Variants in MCF2L observed in about 807,000 individuals in gnomAD.
The protein encoded by MCF2L is guanine nucleotide exchange factor DBS.
In MCF2L, 97 loss-of-function variants were observed where a neutral mutation model predicts 153.4. That is an observed-to-expected ratio of 0.63 (90% CI 0.54 to 0.75). The LOEUF (loss-of-function observed/expected upper bound fraction) is 0.75, where lower values mean the gene tolerates loss of function less well. Among genes scored for constraint, MCF2L ranks in the 30% least tolerant of loss-of-function variants. The pLI is 0.00. For synonymous variants in MCF2L, 659 were observed against 632.2 expected, an observed-to-expected ratio of 1.04 and a Z score of -0.64; for missense variants, 1,347 against 1,495.2, an observed-to-expected ratio of 0.90 and a Z score of 1.64.
Position 113,032,941 on chromosome 13 carries a change from C to T in MCF2L, c.278+8183C>T, listed in dbSNP as rs554523424. ...TGGTGTGCTCACTTGGGCTGGCCCC[C>T]GTGACGTGAGTGGACCCCGTGATGT... is the stretch of plus-strand genomic sequence containing the variant. On this transcript the variant is annotated intron_variant, in intron 3 of 29. Coordinates refer to ENST00000535094, the MANE Select transcript of MCF2L (RefSeq NM_001112732.3). Among the ~76,000 whole-genome samples, 4 of 152,172 alleles carry T rather than the reference C, an allele frequency of 2.6e-5. No homozygotes were observed. In the South Asian group the frequency reaches 8.3e-4, roughly 32 times the overall value.
At chr13:112,915,862 T>C (rs1178275469) in intron 2 of MCF2L, among the ~76,000 whole-genome samples, 1 of 152,002 alleles carries the variant, frequency 6.6e-6, no homozygotes, top group African/African-American at 2.4e-5. Context: ...CAGGCTGAGA[T>C]GGGTACTTTG....
intron 8 of MCF2L, among the ~76,000 whole-genome samples, chr13:113,067,365 G>A (rs1244814893): frequency 5.3e-5 from 4 of 75,498 alleles, no homozygotes; most frequent in Non-Finnish European, 1.1e-4. Flanking sequence ...GCAGTGAGCC[G>A]AGATTGCACC....
At chr13:112,985,187 G>C in intron 1 of MCF2L, 1 of 347,362 alleles carries the variant, frequency 2.9e-6, no homozygotes, top group South Asian at 2.1e-5. Context: ...TCAGGGCGGA[G>C]CAGGAATCGG....
At chr13:112,927,452 C>G (rs774719499) in intron 2 of MCF2L, among the ~76,000 whole-genome samples, 1 of 152,130 alleles carries the variant, frequency 6.6e-6, no homozygotes, top group African/African-American at 2.4e-5. Flanking sequence ...CTGAGAAGAT[C>G]TGGAGGTCTT....
At chr13:112,986,995 TCGGA>T (rs924131072) in intron 1 of MCF2L, among the ~76,000 whole-genome samples, 5 of 151,954 alleles carry the variant, frequency 3.3e-5, no homozygotes, top group African/African-American at 1.2e-4. Flanking sequence ...CAGGTGGGAC[TCGGA>T]GCCAGTGTCG....
rs548742743 is a variant in MCF2L at position 112,970,599 on chromosome 13, C to T, written c.79+1141C>T. On this transcript the variant is annotated intron_variant, in intron 1 of 29. Coordinates refer to ENST00000535094, the MANE Select transcript of MCF2L (RefSeq NM_001112732.3). ...AGTATGGTGAAGGGCTGCGTGGATG[C>T]CAGGTTCACAGGGAGGCTTCCGATC... Among the ~76,000 whole-genome samples the T allele has an allele frequency of 2.6e-5, 4 of 152,106 alleles. No individual in the cohort carries two copies. In the South Asian group the frequency reaches 8.3e-4, roughly 32 times the overall value.
At chr13:113,061,751 C>CCT in intron 5 of MCF2L, among the ~76,000 whole-genome samples, 1 of 85,446 alleles carries the variant, frequency 1.2e-5, no homozygotes, top group East Asian at 4.9e-4. Flanking sequence ...TCCCTTTCCC[C>CCT]TCCCTTCCCT....
intron 2 of MCF2L, among the ~76,000 whole-genome samples, chr13:112,955,762 G>A (rs890162982): frequency 5.3e-5 from 8 of 152,148 alleles, no homozygotes; most frequent in Admixed American, 2.0e-4. Context: ...AGCTAAGACC[G>A]AGGGCTTGTC....
intron 27 of MCF2L, chr13:113,095,577 C>G: frequency 1.0e-6 from 1 of 998,010 alleles, no homozygotes; most frequent in Admixed American, 5.6e-5. Context: ...CACGTGAGGG[C>G]AGGCAGCCCA....
chr13:113,082,802 G>A (rs2034276478), intron 17 of MCF2L, among the ~76,000 whole-genome samples: 1 of 152,168 alleles, frequency 6.6e-6, no homozygotes, highest in Non-Finnish European at 1.5e-5. Flanking sequence ...AGAGGGCTCT[G>A]AGCCCGAGTG....
chr13:112,940,976 G>T lies in MCF2L; in HGVS notation c.169+38605G>T, dbSNP rs1321793206. ...CTCCTCCTTGTACAGTCCTGGAAGA[G>T]GACTGCCTGGGAGCATGAAGCCCAG... On this transcript the variant is annotated intron_variant, in intron 2 of 29. Transcript: ENST00000375608. Among the ~76,000 whole-genome samples the T allele has an allele frequency of 3.9e-5, 6 of 152,296 alleles. No homozygotes were observed. The South Asian group carries it at 1.2e-3, about 32-fold the overall frequency.
At chr13:112,992,809 G>A (rs1450252089) in intron 1 of MCF2L, among the ~76,000 whole-genome samples, 2 of 152,230 alleles carry the variant, frequency 1.3e-5, no homozygotes, top group East Asian at 1.9e-4. Flanking sequence ...ACAGAACATC[G>A]GGAACACTGA....
intron 4 of MCF2L, among the ~76,000 whole-genome samples, chr13:113,048,824 G>A (rs958047837): frequency 6.6e-6 from 1 of 152,194 alleles, no homozygotes; most frequent in Non-Finnish European, 1.5e-5. Context: ...TGGGCATCAC[G>A]GATGTGAGGG....
chr13:112,917,146 C>A (rs191191708), intron 2 of MCF2L: 7 of 471,258 alleles, frequency 1.5e-5, no homozygotes, highest in Non-Finnish European at 2.6e-5. Context: ...TGGCTTGTGA[C>A]CCACCTGAGT....
chr13:112,970,677 C>T (rs1265127622), intron 1 of MCF2L, among the ~76,000 whole-genome samples: 3 of 152,098 alleles, frequency 2.0e-5, no homozygotes, highest in Admixed American at 6.5e-5. Flanking sequence ...CTCTGCGTGC[C>T]GTTCGGTGTC....
rs913622506 is a variant in MCF2L at position 113,095,702 on chromosome 13, G to A, written c.3076-669G>A. On this transcript the variant is annotated intron_variant, in intron 27 of 29. Coordinates refer to ENST00000535094, the MANE Select transcript of MCF2L (RefSeq NM_001112732.3). ...GCCCAGTCACCGTCCTCCTGCTCCA[G>A]GCCCTGCAGCCGGCAGCACCCCTCC... 4.2e-5 allele frequency: 42 copies of A among 992,586 alleles called. No individual in the cohort carries two copies. In the African/African-American group the frequency reaches 6.8e-4, roughly 16 times the overall value. 61.5% of individuals were successfully genotyped at this position (992,586 alleles called of 1,614,324 possible). A position where few individuals can be genotyped will look rare whatever the true frequency, so the allele number is the denominator to read the frequency against.
intron 7 of MCF2L, 26 bp downstream of exon 7, chr13:113,065,111 A>C: frequency 4.0e-6 from 6 of 1,490,548 alleles, no homozygotes; most frequent in East Asian, 2.8e-5. Flanking sequence ...TCCGGCTGGA[A>C]GCTGTGGGGG....
In MCF2L at chr13:113,028,003, C is replaced by G. The variant is rs946819815; in HGVS notation, c.278+3245C>G. On this transcript the variant is annotated intron_variant, in intron 3 of 29. Transcript: ENST00000535094. The surrounding 1 kb of genome is among the most constrained non-coding windows in gnomAD (Gnocchi z 5.4). ...CCGGCCTGACAGGTACATCCGCCCC[C>G]TGATGGCACCTCCTGGCATGGGGCT... Among the ~76,000 whole-genome samples, 1 of 152,198 alleles carries G rather than the reference C, an allele frequency of 6.6e-6. No homozygotes were observed. The highest frequency in any genetic ancestry group is 1.5e-5 in the Non-Finnish European group (1 of 68,026).
At chr13:112,937,090 G>A (rs1042652306) in intron 2 of MCF2L, among the ~76,000 whole-genome samples, 1 of 152,050 alleles carries the variant, frequency 6.6e-6, no homozygotes, top group Non-Finnish European at 1.5e-5. Flanking sequence ...GTCTCGCTTT[G>A]TCCCCCAGGC....
Sources: allele counts gnomAD v4.1 joint callset (sites outside exome capture counted in the v4.1 genomes callset), GRCh38; gene constraint gnomAD v4.1.1; non-coding constraint Gnocchi (gnomAD v3.1); transcripts MANE v1.5; gene names NCBI Gene and HGNC (gene_info 2026-07-23, HGNC 2026-07-21).